Variants in ZBTB14 observed in about 807,000 individuals in gnomAD.
ZBTB14 encodes the protein zinc finger and BTB domain-containing protein 14.
In ZBTB14, 8 loss-of-function variants were observed where a neutral mutation model predicts 29.5. The ratio of observed to expected loss-of-function variants is 0.27; its 90% confidence interval spans 0.16 to 0.49. ZBTB14 has a LOEUF of 0.49. Among genes scored for constraint, ZBTB14 ranks in the 20% least tolerant of loss-of-function variants. The probability of loss-of-function intolerance (pLI) is 0.99; values close to 1 mark genes in which losing one functional copy is unlikely to be tolerated. For missense variants in ZBTB14, 333 were observed against 563.8 expected (o/e 0.59, Z 4.15); for synonymous variants, 226 against 207.2 (o/e 1.09, Z -0.78).
chr18:5,291,730 C>G lies in ZBTB14; in HGVS notation c.478G>C (p.Asp160His), dbSNP rs762270017. Residue 160 changes from aspartate (D) to histidine (H), a missense_variant, in exon 4 of 4, where the codon GAT (aspartate) becomes CAT (histidine). Around this residue, in one of 3 missense-constraint regions of ZBTB14, gnomAD observed 126 missense variants for 132.2 expected, o/e 0.95. Transcript: ENST00000651870. The surrounding 1 kb of genome is among the most constrained non-coding windows in gnomAD (Gnocchi z 5.8). ...RPIGDAADTQ[D>H]DDVEEIGDQD... is the part of the protein sequence containing the mutation. ...TCCCCGATTTCCTCTACATCATCATCCTGGGTGTCAGCAGCATCTCCAATG... is the reference window on the plus strand; with the variant it reads ...TCCCCGATTTCCTCTACATCATCATGCTGGGTGTCAGCAGCATCTCCAATG... 3 of 1,614,112 alleles carry G rather than the reference C, an allele frequency of 1.9e-6. No homozygotes were observed. In the Admixed American group the frequency reaches 5.0e-5, roughly 27 times the overall value.
chr18:5,295,990 TAGCAGCCCTCCTCCTGCACG>T (rs1352943846), upstream of ZBTB14: 1 of 150,920 alleles, frequency 6.6e-6, no homozygotes, highest in African/African-American at 2.4e-5. Context: ...TCCCTGATGG[TAGCAGCCCTCCTCCTGCACG>T]AGCACAGAAT....
At chr18:5,293,467 A>T (rs976226899) in intron 2 of ZBTB14, 140 bp from the exon 3 acceptor site, 1 of 560,384 alleles carries the variant, frequency 1.8e-6, no homozygotes, top group Non-Finnish European at 3.2e-6. Flanking sequence ...GCAGGTAGGT[A>T]GCTGGTACAT....
chr18:5,290,534 G>T lies in ZBTB14; in HGVS notation c.*324C>A. 3.6e-6 allele frequency: 1 copy of T among 280,172 alleles called. No homozygotes were observed. The highest frequency in any genetic ancestry group is 6.1e-5 in the South Asian group (1 of 16,320). The allele number at this position is 280,172 out of a possible 1,614,324, so 17.4% of individuals were successfully genotyped here. Reference sequence around the variant, plus strand: ...CACTTGCTAGGGTGGTGAGTGTAAAGGAACTAAAAATGGAAGTCTCTCACT... The same window carrying T: ...CACTTGCTAGGGTGGTGAGTGTAAATGAACTAAAAATGGAAGTCTCTCACT... On this transcript the variant is annotated 3_prime_UTR_variant, in exon 4 of 4. Coordinates refer to ENST00000651870, the MANE Select transcript of ZBTB14 (RefSeq NM_001243702.2).
At chr18:5,295,130 G>A (rs2071918969) in intron 1 of ZBTB14, among the ~76,000 whole-genome samples, 1 of 146,986 alleles carries the variant, frequency 6.8e-6, no homozygotes, top group South Asian at 2.1e-4. Flanking sequence ...ACTGCGGCCC[G>A]CGGCGGCCCC....
rs371564765 is a variant in ZBTB14 at position 5,291,797 on chromosome 18, A to G, written c.411T>C (p.Asn137=). The stretch of plus-strand genomic sequence containing the variant: ...GGCAATACTTACTTTTGGACTGACC[A>G]TTGTTTTCATCGGGACTGGACACAT... The part of the protein sequence containing the change: ...KRDVSSPDEN[N]GQSKSKYCLK... Residue 137 remains asparagine, a synonymous_variant, in exon 4 of 4, where the codon AAT becomes AAC. Coordinates refer to ENST00000651870, the MANE Select transcript of ZBTB14 (RefSeq NM_001243702.2). This position sits in a 1 kb window ranked among gnomAD's most constrained non-coding sequence, Gnocchi z 5.8. The G allele has an allele frequency of 4.3e-6, 7 of 1,613,700 alleles. No individual in the cohort carries two copies. The highest frequency in any genetic ancestry group is 2.7e-5 in the African/African-American group (2 of 74,902).
At chr18:5,296,451 G>T (rs2071969988), upstream of ZBTB14, among the ~76,000 whole-genome samples, 2 of 150,404 alleles carry the variant, frequency 1.3e-5, no homozygotes, top group African/African-American at 4.9e-5. Context: ...CCGTGCGTGT[G>T]CATGTGCGTG....
intron 3 of ZBTB14, among the ~76,000 whole-genome samples, chr18:5,292,732 A>C (rs1244686672): frequency 6.6e-6 from 1 of 152,216 alleles, no homozygotes; most frequent in Non-Finnish European, 1.5e-5. Flanking sequence ...GATTCAGCAA[A>C]ATAATTATGT....
chr18:5,296,670 C>T (rs1437368109), upstream of ZBTB14, among the ~76,000 whole-genome samples: 1 of 152,004 alleles, frequency 6.6e-6, no homozygotes, highest in Non-Finnish European at 1.5e-5. Flanking sequence ...ACTTGCAGAA[C>T]AAATGGAAAA....
Position 5,290,362 on chromosome 18 carries a change from T to C in ZBTB14, c.*496A>G, listed in dbSNP as rs954283712. The stretch of plus-strand genomic sequence containing the variant: ...CATTCTGCATTTCCAGAACTTTTTT[T>C]ATATTTGTGCAGTGTTCTTGGTCAA... On this transcript the variant is annotated 3_prime_UTR_variant, in exon 4 of 4. Coordinates refer to ENST00000651870, the MANE Select transcript of ZBTB14 (RefSeq NM_001243702.2). 6.5e-6 allele frequency: 1 copy of C among 152,852 alleles called. No individual in the cohort carries two copies. Among genetic ancestry groups the C allele is most frequent in the Non-Finnish European group, 1.5e-5 (1 of 68,540 alleles). The allele number at this position is 152,852 out of a possible 1,614,324, so 9.5% of individuals were successfully genotyped here.
At chr18:5,294,432 C>G (rs1409112015) in intron 1 of ZBTB14, among the ~76,000 whole-genome samples, 1 of 152,154 alleles carries the variant, frequency 6.6e-6, no homozygotes, top group Non-Finnish European at 1.5e-5. Flanking sequence ...GAGGAGTGGC[C>G]TTAGACTAGC....
rs1421849544 is a variant in ZBTB14, at chr18:5,289,778, T to C, written c.*1080A>G. 6.5e-6 allele frequency: 1 copy of C among 152,672 alleles called. No individual in the cohort carries two copies. Among genetic ancestry groups the C allele is most frequent in the Non-Finnish European group, 1.5e-5 (1 of 68,046 alleles). The allele number at this position is 152,672 out of a possible 1,614,324, so 9.5% of individuals were successfully genotyped here. A position where few individuals can be genotyped will look rare whatever the true frequency, so the allele number is the denominator to read the frequency against. On this transcript the variant is annotated 3_prime_UTR_variant, in exon 4 of 4. Coordinates refer to ENST00000651870, the MANE Select transcript of ZBTB14 (RefSeq NM_001243702.2). ...AAAAAAAGTGCAGCTGTCTACTTTT[T>C]ACTTGAAATACGTAAGACCAACACT...
At chr18:5,296,175 G>C (rs989591132), upstream of ZBTB14, 1 of 151,250 alleles carries the variant, frequency 6.6e-6, no homozygotes, top group Non-Finnish European at 1.5e-5. Flanking sequence ...GGCCCTTGCC[G>C]ACGCTTTCGT....
intron 1 of ZBTB14, among the ~76,000 whole-genome samples, 162 bp from the exon 2 acceptor site, chr18:5,294,163 A>G (rs2071885216): frequency 6.6e-6 from 1 of 152,358 alleles, no homozygotes; most frequent in Middle Eastern, 3.4e-3. Flanking sequence ...AGCTCCTTCT[A>G]AAGAAAAGTG....
At chr18:5,295,421 C>T (rs1464289601) in intron 1 of ZBTB14, among the ~76,000 whole-genome samples, 1 of 145,022 alleles carries the variant, frequency 6.9e-6, no homozygotes, top group African/African-American at 2.5e-5. Flanking sequence ...GGAGGGGCGG[C>T]GCCCGGCGGG....
Position 5,291,912 on chromosome 18 carries a change from G to T in ZBTB14, c.296C>A (p.Ser99Tyr), listed in dbSNP as rs1209938393. 6.2e-7 allele frequency: 1 copy of T among 1,614,082 alleles called. No individual in the cohort carries two copies. Among genetic ancestry groups the T allele is most frequent in the East Asian group, 2.2e-5 (1 of 44,886 alleles). ...VLNYMYTAKISVKKEDVNLMM... is the reference protein window; with the variant it reads ...VLNYMYTAKIYVKKEDVNLMM... ...TAAGTTAACATCTTCTTTTTTCACG[G>T]AAATCTTTGCTGTGTACATGTAGTT... is the stretch of plus-strand genomic sequence containing the variant. Residue 99 changes from serine to tyrosine, a missense_variant, in exon 4 of 4, where the codon TCC becomes TAC. Physicochemically the swap from Ser to Tyr is moderately radical, Grantham distance 144. This residue lies in a region of ZBTB14 where 67 missense variants were observed against 157.0 expected (regional missense o/e 0.43). Coordinates refer to ENST00000651870, the MANE Select transcript of ZBTB14 (RefSeq NM_001243702.2). The surrounding 1 kb of genome is among the most constrained non-coding windows in gnomAD (Gnocchi z 5.8).
chr18:5,289,432 G>C lies in ZBTB14; in HGVS notation c.*1426C>G, dbSNP rs1460364380. ...AAGAAATCCTAGCAATGAAAAATGA[G>C]TTTGAAAAATTGACATTTTCTACAA... is the stretch of plus-strand genomic sequence containing the variant. On this transcript the variant is annotated 3_prime_UTR_variant, in exon 4 of 4. Coordinates refer to ENST00000651870, the MANE Select transcript of ZBTB14 (RefSeq NM_001243702.2). The C allele has an allele frequency of 1.3e-5, 2 of 152,126 alleles. No homozygotes were observed. The highest frequency in any genetic ancestry group is 4.8e-5 in the African/African-American group (2 of 41,434). The allele number at this position is 152,126 out of a possible 1,614,324, so 9.4% of individuals were successfully genotyped here.
chr18:5,296,126 C>G (rs1192816796), upstream of ZBTB14: 1 of 151,796 alleles, frequency 6.6e-6, no homozygotes, highest in Non-Finnish European at 1.5e-5. Context: ...GGAACCCGAC[C>G]GGGTCTCTAA....
At chr18:5,296,552 C>T (rs1397287521), upstream of ZBTB14, among the ~76,000 whole-genome samples, 2 of 151,852 alleles carry the variant, frequency 1.3e-5, no homozygotes, top group East Asian at 3.9e-4. Context: ...CCACTTTCGC[C>T]CTCCGCGCAC....
chr18:5,296,467 G>T (rs868266755), upstream of ZBTB14, among the ~76,000 whole-genome samples: 23 of 150,318 alleles, frequency 1.5e-4, no homozygotes, highest in Middle Eastern at 6.9e-3. Context: ...GCGTGGGCCA[G>T]AGCCTCCCCC....
Sources: allele counts gnomAD v4.1 joint callset (sites outside exome capture counted in the v4.1 genomes callset), GRCh38; gene constraint gnomAD v4.1.1; regional missense constraint gnomAD v4.1.1; non-coding constraint Gnocchi (gnomAD v3.1); transcripts MANE v1.5; gene names NCBI Gene and HGNC (gene_info 2026-07-23, HGNC 2026-07-21).